Variants in ZFAT observed in about 807,000 individuals in gnomAD.
ZFAT encodes the protein zinc finger and AT-hook domain containing.
A neutral mutation model predicts 117.7 loss-of-function variants in ZFAT; 64 were observed. The ratio of observed to expected loss-of-function variants is 0.54; its 90% CI spans 0.44 to 0.67. The LOEUF (loss-of-function observed/expected upper bound fraction) is 0.67, where lower values mean the gene tolerates loss of function less well. Among genes scored for constraint, ZFAT ranks in the 30% least tolerant of loss-of-function variants. The pLI is 0.00. For synonymous variants in ZFAT, 679 were observed against 615.0 expected (o/e 1.10, Z -1.54); for missense variants, 1,433 against 1,584.5 (o/e 0.90, Z 1.62).
chr8:134,654,227 G>A lies in ZFAT; in HGVS notation c.196+3334C>T, dbSNP rs556528953. Among the ~76,000 whole-genome samples the A allele has an allele frequency of 3.3e-5, 5 of 152,132 alleles. No homozygotes were observed. The East Asian group carries it at 5.8e-4, about 18-fold the overall frequency. ...GGAGAATCACTTGAACCCGGGAGAC[G>A]GACGTTGCAGTGAGCCAAGATCACG... On this transcript the variant is annotated intron_variant, in intron 2 of 15. Transcript: ENST00000377838.
At chr8:134,672,648 G>A (rs1327786816) in intron 1 of ZFAT, among the ~76,000 whole-genome samples, 1 of 152,132 alleles carries the variant, frequency 6.6e-6, no homozygotes, top group Non-Finnish European at 1.5e-5. Flanking sequence ...ATGAAAAAAA[G>A]TCTGTAGAGG....
At chr8:134,518,456 T>G (rs540207104) in intron 13 of ZFAT, among the ~76,000 whole-genome samples, 102 of 152,352 alleles carry the variant, frequency 6.7e-4, no homozygotes, top group South Asian at 3.7e-3. Flanking sequence ...CTTTTGGATC[T>G]CTGTCAAGCT....
rs1447344842 is a variant in ZFAT, at chr8:134,583,967, T to C, written c.2752A>G (p.Thr918Ala). ...PFKCSLCEYA[T>A]RSKSNLKAHM... ...GCCTTGAGGTTACTCTTGCTACGAGTTGCATACTCACACAAAGAACACTTG... is the reference window on the plus strand; with the variant it reads ...GCCTTGAGGTTACTCTTGCTACGAGCTGCATACTCACACAAAGAACACTTG... Residue 918 changes from threonine (T) to alanine (A), a missense_variant, in exon 10 of 16, where the codon ACT (threonine) becomes GCT (alanine). Transcript: ENST00000377838. The C allele has an allele frequency of 1.7e-5, 27 of 1,567,402 alleles. No homozygotes were observed. In the Admixed American group the frequency reaches 4.4e-4, roughly 25 times the overall value.
At chr8:134,712,701 C>T in intron 1 of ZFAT, 144 bp downstream of exon 1, 1 of 671,100 alleles carries the variant, frequency 1.5e-6, no homozygotes, top group Non-Finnish European at 2.3e-6. Flanking sequence ...GCTCTCCTCC[C>T]CAGACCCGGA....
intron 15 of ZFAT, among the ~76,000 whole-genome samples, chr8:134,502,857 G>A (rs1819098148): frequency 6.6e-6 from 1 of 152,256 alleles, no homozygotes. Flanking sequence ...GTCTGAGGCA[G>A]TCCAAATTGC....
chr8:134,688,214 G>A (rs913109095), intron 1 of ZFAT, among the ~76,000 whole-genome samples: 9 of 152,302 alleles, frequency 5.9e-5, no homozygotes, highest in Middle Eastern at 3.4e-3. Context: ...ATCCAGAAAC[G>A]TTCAGCCAGA....
At chr8:134,735,758 G>A in the ZFAT span, among the ~76,000 whole-genome samples, 2 of 152,062 alleles carry the variant, frequency 1.3e-5, no homozygotes, top group Non-Finnish European at 2.9e-5. Context: ...ATGCATATAA[G>A]CTTATACTTC....
chr8:134,791,104 A>T, the ZFAT span, among the ~76,000 whole-genome samples: 3 of 152,228 alleles, frequency 2.0e-5, no homozygotes, highest in African/African-American at 7.2e-5. Flanking sequence ...CATTTCATTC[A>T]TTCCTTTATT....
At chr8:134,531,779 C>T (rs56082627) in intron 12 of ZFAT, among the ~76,000 whole-genome samples, 5 of 152,134 alleles carry the variant, frequency 3.3e-5, no homozygotes, top group African/African-American at 7.2e-5. Context: ...CATCTATTTC[C>T]GTGCATCAGC....
chr8:134,573,679 T>C (rs1261209739), intron 10 of ZFAT, among the ~76,000 whole-genome samples: 8 of 152,248 alleles, frequency 5.3e-5, no homozygotes, highest in Non-Finnish European at 1.0e-4. Context: ...GTCATTTCCA[T>C]TGTTTCTGTT....
chr8:134,668,866 A>G (rs1832399315), intron 1 of ZFAT, among the ~76,000 whole-genome samples: 1 of 152,212 alleles, frequency 6.6e-6, no homozygotes, highest in Non-Finnish European at 1.5e-5. Flanking sequence ...AAAAGATTAG[A>G]CGAATGCCTA....
At chr8:134,747,997 G>T in the ZFAT span, among the ~76,000 whole-genome samples, 1 of 152,186 alleles carries the variant, frequency 6.6e-6, no homozygotes, top group South Asian at 2.1e-4. Flanking sequence ...AGTTGGATCT[G>T]TCCATAATAT....
the ZFAT span, among the ~76,000 whole-genome samples, chr8:134,818,879 T>C: frequency 2.6e-5 from 4 of 152,146 alleles, no homozygotes; most frequent in African/African-American, 7.2e-5. Flanking sequence ...TGCATGCCAA[T>C]GTAAAGTAAA....
At chr8:134,660,866 G>A (rs1831889708) in intron 1 of ZFAT, among the ~76,000 whole-genome samples, 1 of 152,246 alleles carries the variant, frequency 6.6e-6, no homozygotes, top group Non-Finnish European at 1.5e-5. Flanking sequence ...ATAAACTACT[G>A]CTCAGCTATT....
intron 3 of ZFAT, among the ~76,000 whole-genome samples, chr8:134,615,524 T>C (rs1380800197): frequency 6.6e-6 from 1 of 152,090 alleles, no homozygotes; most frequent in Non-Finnish European, 1.5e-5. Flanking sequence ...CCCCACTACC[T>C]AGAGCAGGGA....
chr8:134,562,486 G>C (rs1386601261), intron 11 of ZFAT, among the ~76,000 whole-genome samples: 1 of 152,190 alleles, frequency 6.6e-6, no homozygotes, highest in African/African-American at 2.4e-5. Flanking sequence ...CATTTTGTTT[G>C]TCAGTCCCAA....
chr8:134,522,439 C>A (rs151208152), intron 12 of ZFAT, among the ~76,000 whole-genome samples: 1 of 152,260 alleles, frequency 6.6e-6, no homozygotes, highest in South Asian at 2.1e-4. Context: ...CCCACTCTGA[C>A]GACTATCGGC....
chr8:134,489,571 T>A (rs1477923475), intron 15 of ZFAT, among the ~76,000 whole-genome samples: 2 of 152,078 alleles, frequency 1.3e-5, no homozygotes, highest in Non-Finnish European at 2.9e-5. Flanking sequence ...CTGTTCTCTC[T>A]CCATCTCTGC....
At chr8:134,679,903 A>AC (rs924828983) in intron 1 of ZFAT, among the ~76,000 whole-genome samples, 3 of 140,262 alleles carry the variant, frequency 2.1e-5, no homozygotes, top group Non-Finnish European at 3.1e-5. Flanking sequence ...ACACATGGAC[A>AC]CAGGGAAGGG....
Sources: allele counts gnomAD v4.1 joint callset (sites outside exome capture counted in the v4.1 genomes callset), GRCh38; gene constraint gnomAD v4.1.1; transcripts MANE v1.5; gene names NCBI Gene and HGNC (gene_info 2026-07-23, HGNC 2026-07-21).